The following KAT6B variants were observed in gnomAD, a reference collection of about 807,000 sequenced individuals.
KAT6B encodes lysine acetyltransferase 6B.
Under a neutral mutation model 187.5 loss-of-function variants are expected in KAT6B, and 10 were observed. That is an observed-to-expected ratio of 0.05 (90% CI 0.03 to 0.09). The LOEUF (loss-of-function observed/expected upper bound fraction) is 0.09, where lower values mean the gene tolerates loss of function less well. Among genes scored for constraint, KAT6B ranks in the 10% least tolerant of loss-of-function variants. The pLI is 1.00. For missense variants in KAT6B, 1,952 were observed against 2,558.9 expected, an observed-to-expected ratio of 0.76 and a Z score of 5.12; for synonymous variants, 861 against 926.8, an observed-to-expected ratio of 0.93 and a Z score of 1.29.
chr10:74,871,394 T>C (rs1167348957), intron 3 of KAT6B, among the ~76,000 whole-genome samples: 2 of 152,032 alleles, frequency 1.3e-5, no homozygotes, highest in East Asian at 1.9e-4. Flanking sequence ...GGTTTCACCA[T>C]GTTGGCCAGA....
At chr10:75,015,355 A>T (rs1311689640) in intron 13 of KAT6B, among the ~76,000 whole-genome samples, 5 of 152,230 alleles carry the variant, frequency 3.3e-5, no homozygotes, top group Admixed American at 6.5e-5. Context: ...CAGGCAGGTC[A>T]CAGGTCATTT....
intron 16 of KAT6B, chr10:75,024,343 G>T (rs943637046): frequency 2.0e-5 from 3 of 152,286 alleles, no homozygotes; most frequent in African/African-American, 4.8e-5. Context: ...ATTTTGCCAG[G>T]TTATCAGTTG....
chr10:74,945,126 T>G (rs1839855207), intron 3 of KAT6B, among the ~76,000 whole-genome samples: 1 of 152,202 alleles, frequency 6.6e-6, no homozygotes, highest in Admixed American at 6.5e-5. Context: ...CTCAGATGTC[T>G]GTCAACAGGT....
intron 13 of KAT6B, among the ~76,000 whole-genome samples, chr10:75,002,651 C>T (rs567105149): frequency 2.0e-4 from 31 of 151,782 alleles, no homozygotes; most frequent in South Asian, 4.2e-4. Context: ...TACTGGATAC[C>T]GTAGGTGTTA....
chr10:74,848,168 C>A (rs1276119821), intron 3 of KAT6B, among the ~76,000 whole-genome samples: 1 of 152,102 alleles, frequency 6.6e-6, no homozygotes, highest in African/African-American at 2.4e-5. Flanking sequence ...ATCCACCCAC[C>A]TCAGCCTCCC....
At chr10:74,901,986 C>T (rs907487785) in intron 3 of KAT6B, among the ~76,000 whole-genome samples, 28 of 152,126 alleles carry the variant, frequency 1.8e-4, no homozygotes, top group African/African-American at 6.8e-4. Context: ...CATACTCACT[C>T]TGGCTCTCCT....
At chr10:74,952,230 G>A (rs1339190771) in intron 3 of KAT6B, among the ~76,000 whole-genome samples, 1 of 151,984 alleles carries the variant, frequency 6.6e-6, no homozygotes, top group Non-Finnish European at 1.5e-5. Flanking sequence ...TAGTGCGCCA[G>A]TATAGTCCCA....
chr10:74,892,101 C>T (rs1232094253), intron 3 of KAT6B, among the ~76,000 whole-genome samples: 1 of 152,194 alleles, frequency 6.6e-6, no homozygotes, highest in East Asian at 1.9e-4. Context: ...AGTGTGGTGG[C>T]TCACGCCTGT....
intron 13 of KAT6B, among the ~76,000 whole-genome samples, chr10:75,009,598 G>A (rs1844454348): frequency 6.6e-6 from 1 of 152,184 alleles, no homozygotes; most frequent in Non-Finnish European, 1.5e-5. Context: ...CAACCTAAGA[G>A]GTAGTCATTG....
chr10:74,997,245 C>T (rs1211290377), intron 13 of KAT6B, among the ~76,000 whole-genome samples: 3 of 149,768 alleles, frequency 2.0e-5, no homozygotes, highest in Non-Finnish European at 4.4e-5. Flanking sequence ...CCCCCATTCC[C>T]CTCCTTCTCT....
chr10:74,998,738 G>GTAA (rs1231833678), intron 13 of KAT6B, among the ~76,000 whole-genome samples: 1 of 152,156 alleles, frequency 6.6e-6, no homozygotes, highest in Non-Finnish European at 1.5e-5. Flanking sequence ...GGGCAACATA[G>GTAA]TAAGACCCCA....
chr10:75,025,272 C>T (rs1387603741), intron 17 of KAT6B, 23 bp downstream of exon 17: 2 of 1,612,414 alleles, frequency 1.2e-6, no homozygotes, highest in East Asian at 2.2e-5. Context: ...ATGATAAAAA[C>T]CTTACCCTTG....
intron 3 of KAT6B, among the ~76,000 whole-genome samples, chr10:74,885,082 T>G (rs1845140786): frequency 6.6e-6 from 1 of 152,010 alleles, no homozygotes; most frequent in African/African-American, 2.4e-5. Flanking sequence ...TATTTATTTA[T>G]TTAGAGACAA....
At chr10:74,910,111 G>A (rs1433958795) in intron 3 of KAT6B, among the ~76,000 whole-genome samples, 1 of 147,262 alleles carries the variant, frequency 6.8e-6, no homozygotes, top group Non-Finnish European at 1.5e-5. Context: ...CCAACATGGA[G>A]AAGCCCCATC....
At chr10:75,001,132 T>A (rs750818215) in intron 13 of KAT6B, among the ~76,000 whole-genome samples, 6 of 152,232 alleles carry the variant, frequency 3.9e-5, no homozygotes, top group Middle Eastern at 6.8e-3. Context: ...GGAAAGATGC[T>A]TTAGGGTATG....
At chr10:74,939,147 T>G (rs548358347) in intron 3 of KAT6B, among the ~76,000 whole-genome samples, 9 of 152,152 alleles carry the variant, frequency 5.9e-5, no homozygotes, top group African/African-American at 1.9e-4. Flanking sequence ...ATGCTGATCC[T>G]GCAAGATCAC....
chr10:74,956,651 C>T (rs1473609134), intron 3 of KAT6B, among the ~76,000 whole-genome samples: 1 of 152,142 alleles, frequency 6.6e-6, no homozygotes, highest in Admixed American at 6.5e-5. Context: ...ACCTATGCAA[C>T]CTTAAAAATG....
rs1338178697 is a variant in KAT6B, at chr10:75,030,290, G to A, written c.5466G>A (p.Gln1822=). The A allele has an allele frequency of 1.2e-6, 2 of 1,614,266 alleles. No individual in the cohort carries two copies. Among genetic ancestry groups the A allele is most frequent in the Non-Finnish European group, 8.5e-7 (1 of 1,180,042 alleles). The change falls in exon 18 of 18, where the codon CAG becomes CAA. Residue 1822 remains glutamine, a synonymous_variant. Transcript: ENST00000287239. The surrounding 1 kb of genome is among the most constrained non-coding windows in gnomAD (Gnocchi z 4.8). The part of the protein sequence containing the change: ...SATFSLAKLQ[Q]LTNTLIDHSL... ...CCTTCAGCCTTGCCAAACTGCAGCA[G>A]TTAACTAATACACTTATTGATCATT...
intron 3 of KAT6B, among the ~76,000 whole-genome samples, chr10:74,896,285 T>TTTTA (rs112553309): frequency 1.2e-4 from 18 of 152,240 alleles, no homozygotes; most frequent in African/African-American, 4.1e-4. Flanking sequence ...TACTTTAGTT[T>TTTTA]TTTATTTATT....
Sources: gnomAD v4.1 joint callset for allele counts (sites outside exome capture counted in the v4.1 genomes callset) on GRCh38, gnomAD v4.1.1 for gene constraint, Gnocchi (gnomAD v3.1) non-coding constraint, MANE v1.5 for transcripts, NCBI Gene and HGNC (gene_info 2026-07-23, HGNC 2026-07-21) for gene names.